PIK3R4: variants seen among roughly 807,000 people sequenced by gnomAD.
PIK3R4 encodes the protein phosphoinositide 3-kinase regulatory subunit 4.
Under a neutral mutation model 136.5 loss-of-function variants are expected in PIK3R4, and 46 were observed. The ratio of observed to expected loss-of-function variants is 0.34; its 90% CI spans 0.27 to 0.43. The LOEUF (loss-of-function observed/expected upper bound fraction) is 0.43, where lower values mean the gene tolerates loss of function less well. Among genes scored for constraint, PIK3R4 ranks in the 20% least tolerant of loss-of-function variants. PIK3R4 has a pLI of 1.00. For missense variants in PIK3R4, 1,331 were observed against 1,649.5 expected, an observed-to-expected ratio of 0.81 and a Z score of 3.35; for synonymous variants, 557 against 566.7, an observed-to-expected ratio of 0.98 and a Z score of 0.24.
At chr3:130,704,894 A>C (rs2066598245) in intron 12 of PIK3R4, among the ~76,000 whole-genome samples, 1 of 151,998 alleles carries the variant, frequency 6.6e-6, no homozygotes, top group African/African-American at 2.4e-5. Context: ...GCAGTGATAT[A>C]ATCTCAGCTC....
intron 4 of PIK3R4, among the ~76,000 whole-genome samples, chr3:130,732,584 C>A (rs1487042826): frequency 2.6e-5 from 4 of 151,932 alleles, no homozygotes; most frequent in Non-Finnish European, 5.9e-5. Flanking sequence ...GAAGTTCATA[C>A]CTGTATGGTT....
In PIK3R4 at chr3:130,733,648, C is replaced by T. The variant is rs138348833; in HGVS notation, c.1350G>A (p.Glu450=). Residue 450 remains glutamate (E), a synonymous_variant, in exon 4 of 20, where the codon GAG becomes GAA. Coordinates refer to ENST00000356763, the MANE Select transcript of PIK3R4 (RefSeq NM_014602.3). ...TLTKVLALVK[E]VPRNDINIYP... is the part of the protein sequence containing the mutation. ...AAATATTGATATCATTACGAGGAAC[C>T]TCTTTGACGAGAGCAAGAACTTTGG... 3.7e-5 allele frequency: 59 copies of T among 1,614,090 alleles called. No homozygotes were observed. The African/African-American group carries it at 7.5e-4, about 20-fold the overall frequency.
Position 130,745,069 on chromosome 3 carries a change from G to T in PIK3R4, c.150C>A (p.Val50=), listed in dbSNP as rs759836189. ...VARAKHREGL[V]VVKVFAIQDP... ...CCTGAATTGCAAAAACCTTCACAAC[G>T]ACCAGGCCTTCTCGGTGCTTGGCTC... The change falls in exon 2 of 20, where the codon GTC becomes GTA. Residue 50 remains valine, a synonymous_variant. Coordinates refer to ENST00000356763, the MANE Select transcript of PIK3R4 (RefSeq NM_014602.3). 1.9e-6 allele frequency: 3 copies of T among 1,613,346 alleles called. No homozygotes were observed. The highest frequency in any genetic ancestry group is 1.3e-5 in the African/African-American group (1 of 74,710).
chr3:130,711,552 AC>A (rs1216361546), intron 9 of PIK3R4, among the ~76,000 whole-genome samples: 1 of 152,220 alleles, frequency 6.6e-6, no homozygotes, highest in African/African-American at 2.4e-5. Context: ...TAAGGAAACC[AC>A]CTGAGGCCAT....
intron 13 of PIK3R4, among the ~76,000 whole-genome samples, chr3:130,702,310 T>C (rs1559823032): frequency 6.6e-6 from 1 of 152,138 alleles, no homozygotes; most frequent in African/African-American, 2.4e-5. Flanking sequence ...GAATATTTTA[T>C]AGTAAAATGT....
chr3:130,692,047 T>C lies in PIK3R4; in HGVS notation c.3099-1393A>G, dbSNP rs1009761061. 2.6e-5 allele frequency among the ~76,000 whole-genome samples: 4 copies of C among 151,824 alleles called. No individual in the cohort carries two copies. The South Asian group carries it at 8.4e-4, about 32-fold the overall frequency. The stretch of plus-strand genomic sequence containing the variant: ...CCACCACCACACCCAGCTAATTTTT[T>C]TGTATTTTTAATAGAGGCAGGGTTT... On this transcript the variant is annotated intron_variant, in intron 13 of 19. Coordinates refer to ENST00000356763, the MANE Select transcript of PIK3R4 (RefSeq NM_014602.3).
At position 130,686,344 on chromosome 3, in the gene PIK3R4, A is replaced by T. The variant is rs1009423500; in HGVS notation, c.3342T>A (p.Tyr1114Ter). The part of the protein sequence containing the change: ...FNSGAQSVLA[Y>*]ATVNGSLVGW... ...CAACCAGAGAGCCATTCACAGTGGC[A>T]TAGGCAAGAACAGACTGTGCTCCAG... Residue 1114 changes from tyrosine (Y) to a stop codon, truncating the protein, a stop_gained, in exon 15 of 20, where the codon TAT becomes TAA. Transcript: ENST00000356763. LOFTEE classifies it high-confidence loss of function. 1.9e-6 allele frequency: 3 copies of T among 1,613,178 alleles called. No individual in the cohort carries two copies. The African/African-American group carries it at 4.0e-5, about 22-fold the overall frequency.
At chr3:130,736,027 G>C (rs767167572) in intron 2 of PIK3R4, 25 bp from the exon 3 acceptor site, 1 of 1,569,376 alleles carries the variant, frequency 6.4e-7, no homozygotes, top group East Asian at 2.3e-5. Flanking sequence ...GTATAATTCT[G>C]TTAGAAAAGA....
chr3:130,704,803 G>C (rs1286887809), intron 12 of PIK3R4, among the ~76,000 whole-genome samples: 1 of 151,784 alleles, frequency 6.6e-6, no homozygotes, highest in African/African-American at 2.4e-5. Context: ...TAGAGGTGAT[G>C]TTGTTTTCTT....
chr3:130,681,385 A>AAACAT, intron 17 of PIK3R4, 106 bp downstream of exon 17: 1 of 777,948 alleles, frequency 1.3e-6, no homozygotes, highest in Middle Eastern at 2.6e-4. Flanking sequence ...ACCCAAATTT[A>AAACAT]AACATAACCC....
At position 130,744,644 on chromosome 3, in the gene PIK3R4, C is replaced by T; in HGVS notation, c.575G>A (p.Arg192Lys). 7 of 1,614,232 alleles carry T rather than the reference C, an allele frequency of 4.3e-6. No homozygotes were observed. Among genetic ancestry groups the T allele is most frequent in the Non-Finnish European group, 5.9e-6 (7 of 1,180,042 alleles). Residue 192 changes from arginine (R) to lysine (K), a missense_variant, in exon 2 of 20, where the codon AGG becomes AAG. Arg to Lys is a conservative substitution (Grantham distance 26). Coordinates refer to ENST00000356763, the MANE Select transcript of PIK3R4 (RefSeq NM_014602.3). ...TTCAGGAGCAATATAGCAAGTTCTC[C>T]TCCGTGATGTGTCAAAGAAATAATT... The part of the protein sequence containing the change: ...DFNYFFDTSR[R>K]RTCYIAPERF...
chr3:130,681,394 C>A, intron 17 of PIK3R4, 97 bp downstream of exon 17: 1 of 829,432 alleles, frequency 1.2e-6, no homozygotes, highest in Non-Finnish European at 2.0e-6. Context: ...TAAACATAAC[C>A]CAAAAGCCCA....
chr3:130,706,703 C>T (rs563022835), intron 11 of PIK3R4, among the ~76,000 whole-genome samples: 29 of 152,262 alleles, frequency 1.9e-4, no homozygotes, highest in African/African-American at 6.5e-4. Flanking sequence ...ATGTCTTCAA[C>T]CCACAATCTC....
chr3:130,744,898 T>C lies in PIK3R4; in HGVS notation c.321A>G (p.Arg107=), dbSNP rs945126898. The C allele has an allele frequency of 9.3e-6, 15 of 1,614,246 alleles. No homozygotes were observed. The highest frequency in any genetic ancestry group is 1.3e-5 in the Non-Finnish European group (15 of 1,180,032). The part of the protein sequence containing the change: ...KAAMLFRQYV[R]DNLYDRISTR... Reference sequence around the variant, plus strand: ...TACTGATGCGATCATAGAGATTGTCTCGCACATACTGCCTAAAGAGCATAG... The same window carrying C: ...TACTGATGCGATCATAGAGATTGTCCCGCACATACTGCCTAAAGAGCATAG... The change falls in exon 2 of 20, where the codon CGA becomes CGG. Residue 107 remains arginine (R), a synonymous_variant. Coordinates refer to ENST00000356763, the MANE Select transcript of PIK3R4 (RefSeq NM_014602.3).
intron 6 of PIK3R4, among the ~76,000 whole-genome samples, chr3:130,725,260 CAAG>C (rs2066725165): frequency 6.6e-6 from 1 of 150,488 alleles, no homozygotes; most frequent in Non-Finnish European, 1.5e-5. Flanking sequence ...AATATGAGTA[CAAG>C]AAGAGAAAAA....
intron 6 of PIK3R4, among the ~76,000 whole-genome samples, chr3:130,727,345 C>CT (rs201666593): frequency 0.021 from 3,187 of 152,146 alleles, 96 homozygotes; most frequent in East Asian, 0.099. Flanking sequence ...CTCAGCCCCC[C>CT]TCCCGCCGCC....
At chr3:130,720,029 G>C (rs184415202) in intron 7 of PIK3R4, among the ~76,000 whole-genome samples, 1 of 152,196 alleles carries the variant, frequency 6.6e-6, no homozygotes, top group African/African-American at 2.4e-5. Context: ...CAACCCACAG[G>C]TGCATGACGA....
chr3:130,681,648 C>A, intron 16 of PIK3R4, 57 bp from the exon 17 acceptor site: 3 of 1,063,084 alleles, frequency 2.8e-6, no homozygotes, highest in Non-Finnish European at 4.3e-6. Flanking sequence ...GAGAAGATTA[C>A]AACAAAACAA....
chr3:130,718,667 A>C, intron 7 of PIK3R4, 133 bp from the exon 8 acceptor site: 4 of 688,042 alleles, frequency 5.8e-6, no homozygotes, highest in Non-Finnish European at 9.9e-6. Context: ...TCACATACTC[A>C]ATTACCCTGA....
Sources: allele counts gnomAD v4.1 joint callset (sites outside exome capture counted in the v4.1 genomes callset), GRCh38; gene constraint gnomAD v4.1.1; transcripts MANE v1.5; gene names NCBI Gene and HGNC (gene_info 2026-07-23, HGNC 2026-07-21).